The following SLC1A1 variants were observed in gnomAD, a reference collection of about 807,000 sequenced individuals.
SLC1A1 encodes solute carrier family 1 member 1.
A neutral mutation model predicts 53.3 loss-of-function variants in SLC1A1; 43 were observed. The ratio of observed to expected loss-of-function variants is 0.81; its 90% confidence interval spans 0.63 to 1.04. The LOEUF (loss-of-function observed/expected upper bound fraction) is 1.04. SLC1A1 is among the 50% of genes least tolerant of loss of function. The pLI, the probability that SLC1A1 is intolerant of heterozygous loss-of-function variation, is 0.00. For missense variants in SLC1A1, 748 were observed against 664.9 expected, an observed-to-expected ratio of 1.12 and a Z score of -1.37; for synonymous variants, 307 against 243.2, an observed-to-expected ratio of 1.26 and a Z score of -2.44.
At chr9:4,527,285 C>CAG (rs1156824617) in intron 1 of SLC1A1, among the ~76,000 whole-genome samples, 2 of 152,160 alleles carry the variant, frequency 1.3e-5, no homozygotes, top group Non-Finnish European at 2.9e-5. Context: ...AGACCCTGAG[C>CAG]AGAGGACTCA....
In SLC1A1 at chr9:4,537,652, C is replaced by T. The variant is rs566719205; in HGVS notation, c.92-6915C>T. 5.3e-5 allele frequency among the ~76,000 whole-genome samples: 8 copies of T among 150,690 alleles called. No homozygotes were observed. The East Asian group carries it at 7.8e-4, about 15-fold the overall frequency. Reference sequence around the variant, plus strand: ...ATGGATGTACCTTGAAAACATGCTACGTGAAATAAGCCAGATACAAAAGGC... The same window carrying T: ...ATGGATGTACCTTGAAAACATGCTATGTGAAATAAGCCAGATACAAAAGGC... On this transcript the variant is annotated intron_variant, in intron 1 of 11. Transcript: ENST00000262352.
At chr9:4,560,386 A>C (rs1818821422) in intron 2 of SLC1A1, among the ~76,000 whole-genome samples, 1 of 152,166 alleles carries the variant, frequency 6.6e-6, no homozygotes, top group Admixed American at 6.6e-5. Flanking sequence ...AGTTTGTAAC[A>C]ATGTGGGAAA....
chr9:4,511,478 T>A (rs1820996325), intron 1 of SLC1A1, among the ~76,000 whole-genome samples: 1 of 151,830 alleles, frequency 6.6e-6, no homozygotes, highest in Non-Finnish European at 1.5e-5. Flanking sequence ...GGTTTCAAAA[T>A]ATGAATTTGA....
At chr9:4,491,128 C>T (rs533089137) in intron 1 of SLC1A1, among the ~76,000 whole-genome samples, 56 of 152,200 alleles carry the variant, frequency 3.7e-4, no homozygotes, top group Non-Finnish European at 6.3e-4. Flanking sequence ...CCGTATCTCC[C>T]CCTATCACCG....
chr9:4,516,656 C>T (rs1821170799), intron 1 of SLC1A1, among the ~76,000 whole-genome samples: 1 of 152,226 alleles, frequency 6.6e-6, no homozygotes. Context: ...ATCCATTCTA[C>T]ACATTTTAAC....
chr9:4,546,867 A>C (rs941312906), intron 2 of SLC1A1, among the ~76,000 whole-genome samples: 1 of 152,184 alleles, frequency 6.6e-6, no homozygotes, highest in East Asian at 1.9e-4. Context: ...TTCGAGAAAA[A>C]TCTTCACAAT....
chr9:4,540,198 G>GGTA (rs1816885733), intron 1 of SLC1A1, among the ~76,000 whole-genome samples: 1 of 152,104 alleles, frequency 6.6e-6, no homozygotes, highest in Non-Finnish European at 1.5e-5. Context: ...TCAGGGAGGA[G>GGTA]TCTGGCCAGG....
chr9:4,543,676 C>T (rs886194568), intron 1 of SLC1A1, among the ~76,000 whole-genome samples: 3 of 151,994 alleles, frequency 2.0e-5, no homozygotes, highest in African/African-American at 7.3e-5. Flanking sequence ...ATCAGATAAA[C>T]CTGAATATAT....
chr9:4,558,113 A>C (rs1299406452), intron 2 of SLC1A1, among the ~76,000 whole-genome samples: 1 of 152,192 alleles, frequency 6.6e-6, no homozygotes, highest in East Asian at 1.9e-4. Context: ...GGTGTTTACA[A>C]CCATCCAGAC....
intron 1 of SLC1A1, among the ~76,000 whole-genome samples, chr9:4,507,976 G>C (rs1325966725): frequency 1.3e-5 from 2 of 152,172 alleles, no homozygotes; most frequent in Non-Finnish European, 2.9e-5. Context: ...CGTGATGTTA[G>C]TTAAAGTGGA....
intron 1 of SLC1A1, among the ~76,000 whole-genome samples, chr9:4,522,052 TTC>T (rs1453489378): frequency 0.08 from 2,159 of 26,890 alleles, 134 homozygotes; most frequent in African/African-American, 0.19. Context: ...CTTTTTTTTT[TTC>T]TTTTTTTTTT....
chr9:4,517,408 C>T (rs934920038), intron 1 of SLC1A1, among the ~76,000 whole-genome samples: 10 of 152,166 alleles, frequency 6.6e-5, no homozygotes, highest in African/African-American at 1.9e-4. Context: ...GCAGGAGCAG[C>T]GTCCTCTCTT....
rs1820196446 is a variant in SLC1A1, at chr9:4,490,637, ACG to A, written c.-37_-36del. On this transcript the variant is annotated 5_prime_UTR_variant, in exon 1 of 12. Coordinates refer to ENST00000262352, the MANE Select transcript of SLC1A1 (RefSeq NM_004170.6). ...CAGCAGTCCCCGGGTCGCCCAGCCC[ACG>A]CGCGCACGGCCGAGCCCAGCGCACA... 6.4e-7 allele frequency: 1 copy of A among 1,557,964 alleles called. No homozygotes were observed. The highest frequency in any genetic ancestry group is 1.4e-5 in the African/African-American group (1 of 73,646).
intron 1 of SLC1A1, among the ~76,000 whole-genome samples, chr9:4,503,748 T>A (rs1263176853): frequency 6.6e-6 from 1 of 151,946 alleles, no homozygotes; most frequent in Non-Finnish European, 1.5e-5. Context: ...AGGACAAGAA[T>A]GCAATACTAC....
intron 1 of SLC1A1, among the ~76,000 whole-genome samples, chr9:4,497,070 T>A (rs1820453893): frequency 6.6e-6 from 1 of 152,044 alleles, no homozygotes; most frequent in Admixed American, 6.6e-5. Flanking sequence ...GGGTGAAGCA[T>A]TGTATTCCTT....
At chr9:4,561,207 C>G (rs114809964) in intron 2 of SLC1A1, among the ~76,000 whole-genome samples, 3,011 of 152,256 alleles carry the variant, frequency 0.02, 105 homozygotes, top group African/African-American at 0.068. Flanking sequence ...GAAGGCAGGA[C>G]ACTCCTGGAG....
intron 1 of SLC1A1, among the ~76,000 whole-genome samples, chr9:4,529,672 C>G (rs1238755345): frequency 6.6e-6 from 1 of 152,012 alleles, no homozygotes; most frequent in Admixed American, 6.5e-5. Flanking sequence ...CCTCTGCCAT[C>G]AGTCAAAATG....
At chr9:4,571,497 G>A (rs1035986972) in intron 6 of SLC1A1, among the ~76,000 whole-genome samples, 63 of 152,186 alleles carry the variant, frequency 4.1e-4, no homozygotes, top group African/African-American at 1.4e-3. Flanking sequence ...CCAACACGGC[G>A]AAACCCTGTC....
intron 1 of SLC1A1, among the ~76,000 whole-genome samples, chr9:4,492,496 AAAG>A (rs1820273387): frequency 6.6e-6 from 1 of 151,624 alleles, no homozygotes; most frequent in South Asian, 2.1e-4. Context: ...AAAAAAAAAA[AAAG>A]GAAAAGGACT....
Sources: allele counts gnomAD v4.1 joint callset (sites outside exome capture counted in the v4.1 genomes callset), GRCh38; gene constraint gnomAD v4.1.1; transcripts MANE v1.5; gene names NCBI Gene and HGNC (gene_info 2026-07-23, HGNC 2026-07-21).